BLTP1: variants seen among roughly 807,000 people sequenced by gnomAD.
BLTP1 encodes bridge-like lipid transfer protein family member 1.
the BLTP1 span, chr4:122,289,243 G>A: frequency 3.1e-6 from 4 of 1,285,802 alleles, no homozygotes; most frequent in South Asian, 5.7e-5. Context: ...TATTCTCATT[G>A]AGCGTGTGAT....
the BLTP1 span, chr4:122,224,815 C>A: frequency 6.4e-7 from 1 of 1,554,020 alleles, no homozygotes; most frequent in East Asian, 2.4e-5. Context: ...TCATTCTTGC[C>A]ATTCAGAATT....
the BLTP1 span, chr4:122,258,672 T>C: frequency 6.3e-7 from 1 of 1,596,238 alleles, no homozygotes; most frequent in Non-Finnish European, 8.5e-7. Flanking sequence ...GATAATCTAT[T>C]GCTCACTTAT....
At chr4:122,292,034 G>A in the BLTP1 span, among the ~76,000 whole-genome samples, 4 of 146,570 alleles carry the variant, frequency 2.7e-5, no homozygotes, top group African/African-American at 7.7e-5. Context: ...GCAATGGCGC[G>A]ATCTCAGCTC....
the BLTP1 span, among the ~76,000 whole-genome samples, chr4:122,233,064 A>G: frequency 5.3e-5 from 8 of 152,224 alleles, no homozygotes; most frequent in Admixed American, 5.2e-4. Context: ...ACCAGCATCA[A>G]CATCTCCTTG....
chr4:122,219,577 T>C, the BLTP1 span: 1 of 1,600,902 alleles, frequency 6.2e-7, no homozygotes, highest in Non-Finnish European at 8.6e-7. Context: ...TGTAAGTGTT[T>C]ACACATGAAA....
the BLTP1 span, among the ~76,000 whole-genome samples, chr4:122,278,004 C>T: frequency 6.6e-6 from 1 of 151,832 alleles, no homozygotes; most frequent in Non-Finnish European, 1.5e-5. Context: ...TAGATTCTTC[C>T]TATTAAAGAA....
the BLTP1 span, chr4:122,244,838 G>T: frequency 2.2e-6 from 1 of 451,218 alleles, no homozygotes; most frequent in African/African-American, 2.2e-5. Flanking sequence ...GGTGATGTGG[G>T]GATAACCTCA....
chr4:122,339,347 C>A, the BLTP1 span: 3 of 1,613,280 alleles, frequency 1.9e-6, no homozygotes, highest in African/African-American at 2.7e-5. Context: ...AGACTTTATC[C>A]CCTGGAGGTA....
chr4:122,171,975 A>G, the BLTP1 span: 15 of 960,900 alleles, frequency 1.6e-5, no homozygotes, highest in African/African-American at 1.8e-5. Flanking sequence ...TCATATAACA[A>G]CCTACTGTTG....
At chr4:122,340,843 AC>A in the BLTP1 span, 1 of 943,052 alleles carries the variant, frequency 1.1e-6, no homozygotes, top group Non-Finnish European at 1.3e-6. Flanking sequence ...AATGAAAAGT[AC>A]TAAAGGTGAA....
At chr4:122,190,929 A>G in the BLTP1 span, among the ~76,000 whole-genome samples, 3 of 152,166 alleles carry the variant, frequency 2.0e-5, no homozygotes, top group Non-Finnish European at 2.9e-5. Flanking sequence ...CCTTTTCACC[A>G]TGTTGACATT....
the BLTP1 span, among the ~76,000 whole-genome samples, chr4:122,357,480 C>T: frequency 2.6e-5 from 4 of 151,142 alleles, no homozygotes; most frequent in Non-Finnish European, 4.4e-5. Flanking sequence ...GTGGGAGGAT[C>T]GCTTGAGCCT....
the BLTP1 span, chr4:122,174,777 T>C: frequency 2.0e-5 from 16 of 786,032 alleles, no homozygotes; most frequent in Non-Finnish European, 2.6e-5. Context: ...CAAATTTTTT[T>C]TTCCAGTAAA....
the BLTP1 span, chr4:122,292,958 C>CAA: frequency 1.1e-3 from 532 of 480,192 alleles, no homozygotes; most frequent in African/African-American, 8.8e-3. Flanking sequence ...AAGGCTAATC[C>CAA]AAAAAAAAAA....
At chr4:122,189,301 A>G in the BLTP1 span, 1 of 979,900 alleles carries the variant, frequency 1.0e-6, no homozygotes, top group Non-Finnish European at 1.2e-6. Context: ...ATATGCAAGA[A>G]GATATTGTGA....
the BLTP1 span, among the ~76,000 whole-genome samples, chr4:122,278,930 A>C: frequency 8.5e-5 from 13 of 152,196 alleles, no homozygotes; most frequent in Non-Finnish European, 1.2e-4. Context: ...ATGCCCAGCC[A>C]TGACTGATCT....
chr4:122,337,560 CTTTGGGT>C, the BLTP1 span, among the ~76,000 whole-genome samples: 1 of 152,058 alleles, frequency 6.6e-6, no homozygotes, highest in South Asian at 2.1e-4. Flanking sequence ...TTTCATAGAT[CTTTGGGT>C]TTTCAAAAAT....
the BLTP1 span, among the ~76,000 whole-genome samples, chr4:122,354,295 T>A: frequency 2.0e-5 from 3 of 152,138 alleles, no homozygotes; most frequent in African/African-American, 7.2e-5. Context: ...TTAGGAAATA[T>A]TTAGGAAATG....
chr4:122,188,070 T>C, the BLTP1 span: 2 of 1,511,746 alleles, frequency 1.3e-6, no homozygotes, highest in South Asian at 1.4e-5. Flanking sequence ...CCAAGATATG[T>C]TGGTCTTCAA....
Sources: allele counts gnomAD v4.1 joint callset (sites outside exome capture counted in the v4.1 genomes callset), GRCh38; gene constraint gnomAD v4.1.1; transcripts MANE v1.5; gene names NCBI Gene and HGNC (gene_info 2026-07-23, HGNC 2026-07-21).